The following TAOK1 variants were observed in gnomAD, a reference collection of about 807,000 sequenced individuals.
TAOK1 encodes the protein serine/threonine-protein kinase TAO1.
TAOK1 carries 21 observed loss-of-function variants against 138.3 expected under a neutral mutation model. The ratio of observed to expected loss-of-function variants is 0.15; its 90% CI spans 0.11 to 0.22. TAOK1 has a LOEUF of 0.22. TAOK1 is among the 10% of genes least tolerant of loss of function. TAOK1 has a pLI of 1.00. For missense variants in TAOK1, 651 were observed against 1,227.7 expected (o/e 0.53, Z 7.02); for synonymous variants, 361 against 398.4 (o/e 0.91, Z 1.12).
intron 18 of TAOK1, among the ~76,000 whole-genome samples, chr17:29,532,062 G>C (rs1375117340): frequency 6.6e-6 from 1 of 151,922 alleles, no homozygotes; most frequent in East Asian, 1.9e-4. Context: ...GGGTTTCACC[G>C]TGTTAGCCAG....
intron 15 of TAOK1, 53 bp from the exon 16 acceptor site, chr17:29,517,400 G>A (rs1331125244): frequency 5.2e-5 from 82 of 1,575,118 alleles, no homozygotes; most frequent in Middle Eastern, 2.2e-4. Context: ...GATTACAGGC[G>A]TGAGCCACCG....
Position 29,524,117 on chromosome 17 carries a change from AATT to A in TAOK1, c.2148+1606_2148+1608del, listed in dbSNP as rs1301457819. Among the ~76,000 whole-genome samples, 4 of 152,218 alleles carry A rather than the reference AATT, an allele frequency of 2.6e-5. 1 individual carries two copies. The highest frequency in any genetic ancestry group is 4.1e-4 in the South Asian group (2 of 4,836). On this transcript the variant is annotated intron_variant, in intron 17 of 19. Coordinates refer to ENST00000261716, the MANE Select transcript of TAOK1 (RefSeq NM_020791.4). The stretch of plus-strand genomic sequence containing the variant: ...ACCTTGCTATATCTTCAAAATAGGT[AATT>A]ATTATTACACAGTAGTTATGTTGAC...
intron 3 of TAOK1, among the ~76,000 whole-genome samples, chr17:29,468,864 G>A (rs2153025854): frequency 6.6e-6 from 1 of 151,992 alleles, no homozygotes. Context: ...TCTTTAAAAT[G>A]GTTTAAACAT....
At chr17:29,524,162 C>T (rs181515578) in intron 17 of TAOK1, among the ~76,000 whole-genome samples, 1 of 152,200 alleles carries the variant, frequency 6.6e-6, no homozygotes, top group East Asian at 1.9e-4. Context: ...CATAATCTTC[C>T]TTAGTTAATG....
At chr17:29,393,967 C>A (rs570823748) in intron 1 of TAOK1, among the ~76,000 whole-genome samples, 1 of 151,866 alleles carries the variant, frequency 6.6e-6, no homozygotes, top group South Asian at 2.1e-4. Context: ...GAGGATATGG[C>A]AAGTAATTGA....
chr17:29,464,732 TTCCACTAACCAA>T (rs368364145), intron 2 of TAOK1, among the ~76,000 whole-genome samples: 2 of 152,200 alleles, frequency 1.3e-5, no homozygotes, highest in East Asian at 3.9e-4. Flanking sequence ...TGGTACAGGT[TTCCACTAACCAA>T]TCCACTGGCA....
intron 1 of TAOK1, among the ~76,000 whole-genome samples, chr17:29,395,824 A>ATTTT (rs1187461666): frequency 0.011 from 812 of 72,028 alleles, 5 homozygotes; most frequent in Non-Finnish European, 0.013. Flanking sequence ...CGTCTGGCTA[A>ATTTT]TTTTTTTTTT....
At chr17:29,502,765 T>G (rs758508607) in intron 13 of TAOK1, 42 bp downstream of exon 13, 16 of 1,590,954 alleles carry the variant, frequency 1.0e-5, no homozygotes, top group Non-Finnish European at 1.0e-5. Flanking sequence ...ATTTTTCATG[T>G]GGGACCTTGG....
At chr17:29,418,143 T>C (rs1905314126) in intron 1 of TAOK1, among the ~76,000 whole-genome samples, 1 of 152,166 alleles carries the variant, frequency 6.6e-6, no homozygotes. Flanking sequence ...TGCCTCAGGC[T>C]CCCAAAGTGC....
At chr17:29,455,410 C>T (rs1282001942) in intron 2 of TAOK1, among the ~76,000 whole-genome samples, 1 of 150,412 alleles carries the variant, frequency 6.6e-6, no homozygotes, top group Admixed American at 6.6e-5. Context: ...AGTATTATAT[C>T]ATTTGCAAAT....
intron 17 of TAOK1, among the ~76,000 whole-genome samples, chr17:29,526,846 A>AAAAAAAAG (rs2032019684): frequency 6.6e-6 from 1 of 150,668 alleles, no homozygotes. Context: ...AAAAAAAAAA[A>AAAAAAAAG]AGCCAGGCAC....
At chr17:29,429,333 C>T (rs1905753208) in intron 1 of TAOK1, among the ~76,000 whole-genome samples, 1 of 151,590 alleles carries the variant, frequency 6.6e-6, no homozygotes, top group Non-Finnish European at 1.5e-5. Flanking sequence ...CTCACTCTGT[C>T]CCCCACACTG....
intron 1 of TAOK1, among the ~76,000 whole-genome samples, chr17:29,446,141 T>A (rs147851051): frequency 5.3e-4 from 81 of 152,336 alleles, no homozygotes; most frequent in Non-Finnish European, 7.5e-4. Flanking sequence ...TGGTAATTTA[T>A]GTCTGCTTGT....
At chr17:29,480,306 A>T in intron 6 of TAOK1, 62 bp from the exon 7 acceptor site, 1 of 1,190,942 alleles carries the variant, frequency 8.4e-7, no homozygotes, top group African/African-American at 1.5e-5. Flanking sequence ...TTTTATTTTT[A>T]TCGTTTTAAA....
intron 1 of TAOK1, among the ~76,000 whole-genome samples, chr17:29,431,880 C>T (rs1386323932): frequency 1.3e-5 from 2 of 148,276 alleles, no homozygotes; most frequent in African/African-American, 5.0e-5. Context: ...GATCTCGGCT[C>T]ACTGCAACCT....
intron 3 of TAOK1, among the ~76,000 whole-genome samples, chr17:29,472,891 A>T (rs1367511710): frequency 6.6e-6 from 1 of 152,202 alleles, no homozygotes; most frequent in African/African-American, 2.4e-5. Flanking sequence ...TTCTTAAATA[A>T]TAAGGCTTGG....
intron 10 of TAOK1, among the ~76,000 whole-genome samples, chr17:29,492,592 A>T (rs1257252012): frequency 1.3e-5 from 2 of 151,878 alleles, no homozygotes; most frequent in Admixed American, 1.3e-4. Context: ...GGAGTTCAAG[A>T]CCATCCTGGC....
At position 29,534,251 on chromosome 17, in the gene TAOK1, G is replaced by A. The variant is rs773046296; in HGVS notation, c.2495G>A (p.Arg832His). ...QAEAQHDRELRELEQRVSLRR... is the reference protein window; with the variant it reads ...QAEAQHDRELHELEQRVSLRR... Reference sequence around the variant, plus strand: ...GAGGCACAACATGATCGAGAGCTTCGCGAGCTTGAACAGAGGGTCTCCCTC... The same window carrying A: ...GAGGCACAACATGATCGAGAGCTTCACGAGCTTGAACAGAGGGTCTCCCTC... The change falls in exon 19 of 20, where the codon CGC becomes CAC. Residue 832 changes from arginine to histidine, a missense_variant. Transcript: ENST00000261716. 9.9e-6 allele frequency: 16 copies of A among 1,612,794 alleles called. No individual in the cohort carries two copies. The highest frequency in any genetic ancestry group is 6.7e-5 in the Admixed American group (4 of 59,852).
intron 18 of TAOK1, among the ~76,000 whole-genome samples, chr17:29,531,441 A>G (rs1412282586): frequency 4.7e-5 from 7 of 149,994 alleles, no homozygotes; most frequent in Non-Finnish European, 3.0e-5. Flanking sequence ...TATTTTCTAT[A>G]TAAGAGCTTT....
Sources: allele counts gnomAD v4.1 joint callset (sites outside exome capture counted in the v4.1 genomes callset), GRCh38; gene constraint gnomAD v4.1.1; transcripts MANE v1.5; gene names NCBI Gene and HGNC (gene_info 2026-07-23, HGNC 2026-07-21).